The following TTN variants were observed in gnomAD, a reference collection of about 807,000 sequenced individuals.
TTN encodes the protein connectin.
In TTN, 1,525 loss-of-function variants were observed where a neutral mutation model predicts 3,223.0. The ratio of observed to expected loss-of-function variants is 0.47; its 90% CI spans 0.45 to 0.49. TTN has a LOEUF of 0.49. Among genes scored for constraint, TTN ranks in the 20% least tolerant of loss-of-function variants. The probability of loss-of-function intolerance (pLI) is 0.00; values close to 1 mark genes in which losing one functional copy is unlikely to be tolerated. For missense variants in TTN, 40,786 were observed against 43,424.0 expected, an observed-to-expected ratio of 0.94 and a Z score of 5.40; for synonymous variants, 14,094 against 15,161.0, an observed-to-expected ratio of 0.93 and a Z score of 5.17.
chr2:178,704,652 T>C lies in TTN; in HGVS notation c.29820A>G (p.Lys9940=). The change falls in exon 105 of 363, where the codon AAA becomes AAG. Residue 9940 remains lysine, a synonymous_variant. Transcript: ENST00000589042. ...IKLSWYKGTE[K]LEPSDKFEIS... The stretch of plus-strand genomic sequence containing the variant: ...TTTCAAATTTATCACTGGGTTCCAG[T>C]TTTTCAGTTCCTTTGTACCACGAAA... 6.2e-7 allele frequency: 1 copy of C among 1,612,380 alleles called. No individual in the cohort carries two copies. The highest frequency in any genetic ancestry group is 8.5e-7 in the Non-Finnish European group (1 of 1,179,014).
At chr2:178,678,652 G>A in intron 143 of TTN, 95 bp downstream of exon 143, 1 of 1,226,968 alleles carries the variant, frequency 8.2e-7, no homozygotes, top group South Asian at 1.5e-5. Context: ...TTTCTCTAAA[G>A]AGTTGCATCC....
rs377029308 is a variant in TTN, at chr2:178,609,408, A to C, written c.51902T>G (p.Val17301Gly). 1 of 1,612,074 alleles carries C rather than the reference A, an allele frequency of 6.2e-7. No homozygotes were observed. The highest frequency in any genetic ancestry group is 1.3e-5 in the African/African-American group (1 of 74,760). Reference sequence around the variant, plus strand: ...TTGAACTTCACCCTTCCTTCTCCTAACCAAGGGTGCTGCACGCTTCTTAAT... The same window carrying C: ...TTGAACTTCACCCTTCCTTCTCCTACCCAAGGGTGCTGCACGCTTCTTAAT... ...EEIKKRAAPLVRRRKGEVQEE... is the reference protein window; with the variant it reads ...EEIKKRAAPLGRRRKGEVQEE... The change falls in exon 273 of 363, where the codon GTT becomes GGT. Residue 17301 changes from valine (V) to glycine (G), a missense_variant. Coordinates refer to ENST00000589042, the MANE Select transcript of TTN (RefSeq NM_001267550.2).
chr2:178,804,704 C>G (rs1328570728), intron 1 of TTN, 49 bp from the exon 2 acceptor site: 1 of 1,555,936 alleles, frequency 6.4e-7, no homozygotes, highest in Non-Finnish European at 8.8e-7. Context: ...AAGGGTCACT[C>G]TGGAGCTGCT....
chr2:178,551,217 G>A lies in TTN; in HGVS notation c.91314C>T (p.Thr30438=). Reference sequence around the variant, plus strand: ...ATGGTGGGTTCCATTTAAGTGTGATGGTTTCCCGGGTGACATCAATGTAGT... The same window carrying A: ...ATGGTGGGTTCCATTTAAGTGTGATAGTTTCCCGGGTGACATCAATGTAGT... ...TPDYIDVTRE[T]ITLKWNPPLR... Residue 30438 remains threonine, a synonymous_variant, in exon 336 of 363, where the codon ACC becomes ACT. Transcript: ENST00000589042. The A allele has an allele frequency of 6.2e-7, 1 of 1,613,328 alleles. No individual in the cohort carries two copies. The highest frequency in any genetic ancestry group is 8.5e-7 in the Non-Finnish European group (1 of 1,179,638).
In TTN at chr2:178,782,250, G is replaced by A. The variant is rs1427583041; in HGVS notation, c.3342C>T (p.Tyr1114=). The change falls in exon 20 of 363, where the codon TAC becomes TAT. Residue 1114 remains tyrosine, a synonymous_variant. Coordinates refer to ENST00000589042, the MANE Select transcript of TTN (RefSeq NM_001267550.2). The stretch of plus-strand genomic sequence containing the variant: ...TTAGAGGAACACCAGATTTTTTCCA[G>A]TATACATGGGGCTTTGGGTTGCCGC... The part of the protein sequence containing the change: ...QVGGNPKPHV[Y]WKKSGVPLTT... 1 of 1,614,056 alleles carries A rather than the reference G, an allele frequency of 6.2e-7. No individual in the cohort carries two copies. Among genetic ancestry groups the A allele is most frequent in the Admixed American group, 1.7e-5 (1 of 60,016 alleles).
intron 16 of TTN, 87 bp downstream of exon 16, chr2:178,783,983 C>T (rs989857112): frequency 6.2e-7 from 1 of 1,601,484 alleles, no homozygotes; most frequent in African/African-American, 1.3e-5. Context: ...CAAGACTCCA[C>T]TGGCTACTTT....
Position 178,799,831 on chromosome 2 carries a change from A to G in TTN, c.663T>C (p.Ile221=), listed in dbSNP as rs755332198. The part of the protein sequence containing the change: ...AQISESRQTR[I]EKKIEAHFDA... ...CAACAGTATAGAAAAATACCTTTTC[A>G]ATTCGGGTTTGTCTTGATTCTGAGA... The change falls in exon 5 of 363, where the codon ATT becomes ATC. Residue 221 remains isoleucine (I), a synonymous_variant. Transcript: ENST00000589042. The G allele has an allele frequency of 1.9e-6, 3 of 1,614,140 alleles. No individual in the cohort carries two copies. The highest frequency in any genetic ancestry group is 3.3e-4 in the Middle Eastern group (2 of 6,062).
At chr2:178,690,755 T>C (rs1014037419) in intron 121 of TTN, among the ~76,000 whole-genome samples, 1 of 152,188 alleles carries the variant, frequency 6.6e-6, no homozygotes, top group Non-Finnish European at 1.5e-5. Flanking sequence ...TGTTAATTTA[T>C]ATATGTATAT....
chr2:178,577,635 T>G lies in TTN; in HGVS notation c.68791A>C (p.Ser22931Arg), dbSNP rs794729484. 9 of 1,612,034 alleles carry G rather than the reference T, an allele frequency of 5.6e-6. No individual in the cohort carries two copies. In the African/African-American group the frequency reaches 1.1e-4, roughly 19 times the overall value. ...TCCTTGCAAATAATGGTTTCTGTACTTTCTGATGGAGCACTGATAGCACCT... is the reference window on the plus strand; with the variant it reads ...TCCTTGCAAATAATGGTTTCTGTACGTTCTGATGGAGCACTGATAGCACCT... ...TAGAISAPSE[S>R]TETIICKDEY... is the part of the protein sequence containing the mutation. Residue 22931 changes from serine (S) to arginine (R), a missense_variant, in exon 323 of 363, where the codon AGT (serine) becomes CGT (arginine). Ser to Arg is a moderately radical substitution (Grantham distance 110, BLOSUM62 -1). Coordinates refer to ENST00000589042, the MANE Select transcript of TTN (RefSeq NM_001267550.2).
At position 178,556,881 on chromosome 2, in the gene TTN, C is replaced by A. The variant is rs1701721466; in HGVS notation, c.88273G>T (p.Val29425Phe). The change falls in exon 330 of 363, where the codon GTT becomes TTT. Residue 29425 changes from valine (V) to phenylalanine (F), a missense_variant. Val to Phe is a conservative substitution (Grantham distance 50, BLOSUM62 -1). Coordinates refer to ENST00000589042, the MANE Select transcript of TTN (RefSeq NM_001267550.2). ...TCGATGCAAGTAATGGGCCCTACAA[C>A]CTCAGATGGATTGCTAATGGAACCA... ...AVGSISNPSE[V>F]VGPITCIDSY... is the part of the protein sequence containing the mutation. The A allele has an allele frequency of 2.5e-6, 4 of 1,613,758 alleles. No individual in the cohort carries two copies. The South Asian group carries it at 4.4e-5, about 18-fold the overall frequency.
Position 178,734,759 on chromosome 2 carries a change from T to G in TTN, c.15165A>C (p.Glu5055Asp). The change falls in exon 51 of 363, where the codon GAA becomes GAC. Residue 5055 changes from glutamate to aspartate, a missense_variant. By Grantham distance (45) the Glu-to-Asp change is conservative. Coordinates refer to ENST00000589042, the MANE Select transcript of TTN (RefSeq NM_001267550.2). ...TATCACTGCCGACGTCATTCACTGC[T>G]TCACATGAGTAACTCCCACTGTCTT... ...KVEDSGSYSCEAVNDVGSDSC... is the reference protein window; with the variant it reads ...KVEDSGSYSCDAVNDVGSDSC... The G allele has an allele frequency of 6.2e-7, 1 of 1,613,636 alleles. No homozygotes were observed. The highest frequency in any genetic ancestry group is 1.1e-5 in the South Asian group (1 of 91,038).
chr2:178,718,612 A>G lies in TTN; in HGVS notation c.24506-12T>C. 6.2e-7 allele frequency: 1 copy of G among 1,606,874 alleles called. No individual in the cohort carries two copies. Among genetic ancestry groups the G allele is most frequent in the Non-Finnish European group, 8.5e-7 (1 of 1,176,040 alleles). Reference sequence around the variant, plus strand: ...AAAGGTGGCTGGTTCTATAAGGAGAAAACATGTGGGTAAAATTCTTGCCTT... The same window carrying G: ...AAAGGTGGCTGGTTCTATAAGGAGAGAACATGTGGGTAAAATTCTTGCCTT... On this transcript the variant is annotated splice_polypyrimidine_tract_variant and intron_variant, in intron 84 of 362. Transcript: ENST00000589042.
Position 178,652,090 on chromosome 2 carries a change from T to C in TTN, c.39295+6A>G. 6.2e-7 allele frequency: 1 copy of C among 1,613,332 alleles called. No individual in the cohort carries two copies. On this transcript the variant is annotated splice_donor_region_variant and intron_variant, in intron 204 of 362. Transcript: ENST00000589042. ...AAAACACTAATTTGAATAGTTTCATTATTACCTTCAGGGGGAGGACTTTCC... is the reference window on the plus strand; with the variant it reads ...AAAACACTAATTTGAATAGTTTCATCATTACCTTCAGGGGGAGGACTTTCC...
At chr2:178,755,037 T>C (rs1032994286) in intron 46 of TTN, among the ~76,000 whole-genome samples, 3 of 152,152 alleles carry the variant, frequency 2.0e-5, no homozygotes, top group African/African-American at 7.2e-5. Flanking sequence ...AGGGAGGAAC[T>C]TGAGGCCAGA....
At chr2:178,784,031 G>T in intron 16 of TTN, 39 bp downstream of exon 16, 1 of 1,611,270 alleles carries the variant, frequency 6.2e-7, no homozygotes, top group Non-Finnish European at 8.5e-7. Context: ...CCTGCTCAAT[G>T]GGAGTGGACC....
In TTN at chr2:178,704,174, C is replaced by G. The variant is rs370072382; in HGVS notation, c.30196G>C (p.Glu10066Gln). The G allele has an allele frequency of 6.9e-5, 112 of 1,613,834 alleles. No individual in the cohort carries two copies. The highest frequency in any genetic ancestry group is 9.2e-5 in the Non-Finnish European group (109 of 1,179,882). ...TCGATTCTGAGTTCTGCTGAAGTTTCAAGGTCTTCATATTTGCAGGTGTAC... is the reference window on the plus strand; with the variant it reads ...TCGATTCTGAGTTCTGCTGAAGTTTGAAGGTCTTCATATTTGCAGGTGTAC... ...GQYTCKYEDL[E>Q]TSAELRIEAE... Residue 10066 changes from glutamate to glutamine, a missense_variant, in exon 106 of 363, where the codon GAA becomes CAA. Transcript: ENST00000589042.
Position 178,561,996 on chromosome 2 carries a change from C to A in TTN, c.84136G>T (p.Val28046Phe). The A allele has an allele frequency of 5.0e-6, 8 of 1,613,448 alleles. No homozygotes were observed. The highest frequency in any genetic ancestry group is 6.8e-6 in the Non-Finnish European group (8 of 1,179,666). ...TCAAGGACAATTATAGTAATAGGAACTGTTATGGATCCAGCACTGTTTGAA... is the reference window on the plus strand; with the variant it reads ...TCAAGGACAATTATAGTAATAGGAAATGTTATGGATCCAGCACTGTTTGAA... ...CVSNSAGSIT[V>F]PITIIVLDRP... Residue 28046 changes from valine to phenylalanine, a missense_variant, in exon 326 of 363, where the codon GTT (valine) becomes TTT (phenylalanine). Val to Phe is a conservative substitution (Grantham distance 50, BLOSUM62 -1). Coordinates refer to ENST00000589042, the MANE Select transcript of TTN (RefSeq NM_001267550.2).
In TTN at chr2:178,579,355, A is replaced by G; in HGVS notation, c.67675T>C (p.Cys22559Arg). 6.3e-7 allele frequency: 1 copy of G among 1,598,712 alleles called. No individual in the cohort carries two copies. Among genetic ancestry groups the G allele is most frequent in the Non-Finnish European group, 8.5e-7 (1 of 1,173,378 alleles). ...TTGCTGTTTTCTTTAGCCAAGTAGC[A>G]CAAATCAGGTAGACCCTTTAAGTCA... ...DLDLKGLPDL[C>R]YLAKENSNFR... The change falls in exon 320 of 363, where the codon TGC (cysteine) becomes CGC (arginine). Residue 22559 changes from cysteine to arginine, a missense_variant. Cys to Arg is a radical substitution (Grantham distance 180, BLOSUM62 -3). Transcript: ENST00000589042.
At chr2:178,762,940 C>A (rs2089593419) in intron 43 of TTN, among the ~76,000 whole-genome samples, 1 of 152,180 alleles carries the variant, frequency 6.6e-6, no homozygotes, top group Non-Finnish European at 1.5e-5. Flanking sequence ...ATTTCTAGAT[C>A]ACCATCTCCA....
Sources: allele counts gnomAD v4.1 joint callset (sites outside exome capture counted in the v4.1 genomes callset), GRCh38; gene constraint gnomAD v4.1.1; transcripts MANE v1.5; gene names NCBI Gene and HGNC (gene_info 2026-07-23, HGNC 2026-07-21).